The following PHYHIPL variants were observed in gnomAD, a reference collection of about 807,000 sequenced individuals.
PHYHIPL encodes phytanoyl-CoA 2-hydroxylase interacting protein like, also known as phytanoyl-CoA hydroxylase-interacting protein-like.
In PHYHIPL, 9 loss-of-function variants were observed where a neutral mutation model predicts 33.4. The ratio of observed to expected loss-of-function variants is 0.27; its 90% CI spans 0.16 to 0.47. The LOEUF is 0.47. Ranked by LOEUF, PHYHIPL falls within the 20% of genes least tolerant of loss-of-function variation. The pLI is 0.99. For synonymous variants in PHYHIPL, 153 were observed against 154.1 expected (o/e 0.99, Z 0.05); for missense variants, 365 against 460.7 (o/e 0.79, Z 1.90).
intron 1 of PHYHIPL, among the ~76,000 whole-genome samples, chr10:59,212,006 C>T (rs1020492266): frequency 2.1e-4 from 32 of 152,160 alleles, no homozygotes; most frequent in African/African-American, 6.7e-4. Flanking sequence ...GCGGGCTTTG[C>T]GCTCATGAAT....
intron 1 of PHYHIPL, among the ~76,000 whole-genome samples, chr10:59,211,309 T>C (rs1839431608): frequency 6.6e-6 from 1 of 152,142 alleles, no homozygotes; most frequent in African/African-American, 2.4e-5. Flanking sequence ...CCCAGGACTT[T>C]GAGGCAATAG....
chr10:59,229,118 T>TG (rs963058484), intron 1 of PHYHIPL, among the ~76,000 whole-genome samples: 2 of 152,174 alleles, frequency 1.3e-5, no homozygotes, highest in African/African-American at 4.8e-5. Context: ...TTAATCAAAT[T>TG]GGGGTATCCA....
At chr10:59,232,775 GT>G (rs1840116671) in intron 1 of PHYHIPL, among the ~76,000 whole-genome samples, 1 of 151,814 alleles carries the variant, frequency 6.6e-6, no homozygotes, top group African/African-American at 2.4e-5. Flanking sequence ...AGTTCAGAAA[GT>G]TTTTCGTTAC....
At chr10:59,222,432 A>AT (rs1839804212) in intron 1 of PHYHIPL, among the ~76,000 whole-genome samples, 15 of 151,896 alleles carry the variant, frequency 9.9e-5, no homozygotes, top group Admixed American at 9.8e-4. Context: ...AAAATGAGAG[A>AT]CCTGTGGAAA....
intron 1 of PHYHIPL, among the ~76,000 whole-genome samples, chr10:59,228,117 T>TA (rs1237878679): frequency 1.3e-5 from 2 of 151,872 alleles, no homozygotes; most frequent in Non-Finnish European, 1.5e-5. Context: ...TCTTCAAAGA[T>TA]AAAAAAATAG....
At chr10:59,203,989 C>G (rs2133224355) in intron 1 of PHYHIPL, among the ~76,000 whole-genome samples, 1 of 152,050 alleles carries the variant, frequency 6.6e-6, no homozygotes, top group East Asian at 1.9e-4. Context: ...TTTCCGTTTA[C>G]TAGAAAGGGA....
intron 1 of PHYHIPL, among the ~76,000 whole-genome samples, chr10:59,183,284 AT>A (rs1372755841): frequency 6.6e-6 from 1 of 152,192 alleles, no homozygotes; most frequent in Admixed American, 6.5e-5. Context: ...CCGTAAAGAG[AT>A]TGTTGAATCT....
At chr10:59,209,952 G>A (rs1839398118) in intron 1 of PHYHIPL, among the ~76,000 whole-genome samples, 1 of 152,148 alleles carries the variant, frequency 6.6e-6, no homozygotes, top group Admixed American at 6.5e-5. Flanking sequence ...AGACTTAAAT[G>A]TAAGACCTAA....
At chr10:59,227,432 G>A (rs1458811894) in intron 1 of PHYHIPL, among the ~76,000 whole-genome samples, 2 of 152,184 alleles carry the variant, frequency 1.3e-5, no homozygotes, top group Non-Finnish European at 1.5e-5. Context: ...CTATTGATGA[G>A]AGCAGAGTCC....
In PHYHIPL at chr10:59,212,517, C is replaced by T. The variant is rs1839486021; in HGVS notation, c.107-21787C>T. On this transcript the variant is annotated intron_variant, in intron 1 of 4. Coordinates refer to ENST00000373880, the MANE Select transcript of PHYHIPL (RefSeq NM_032439.4). Reference sequence around the variant, plus strand: ...CTTCAACCACTCCTAGGTGGACAGCCATTCAAACTGTGTTCAAATAAGGCA... The same window carrying T: ...CTTCAACCACTCCTAGGTGGACAGCTATTCAAACTGTGTTCAAATAAGGCA... Among the ~76,000 whole-genome samples, 3 of 152,134 alleles carry T rather than the reference C, an allele frequency of 2.0e-5. No homozygotes were observed. The South Asian group carries it at 6.2e-4, about 31-fold the overall frequency.
chr10:59,225,044 T>C (rs999315714), intron 1 of PHYHIPL, among the ~76,000 whole-genome samples: 4 of 150,860 alleles, frequency 2.7e-5, no homozygotes, highest in Admixed American at 2.0e-4. Context: ...GATAAAAAAC[T>C]TACTGTTCTT....
chr10:59,175,140 C>A (rs879776206), upstream of PHYHIPL, among the ~76,000 whole-genome samples: 14 of 152,204 alleles, frequency 9.2e-5, no homozygotes, highest in African/African-American at 3.4e-4. Context: ...TAAGTACTTT[C>A]TTGTCATATC....
At chr10:59,195,663 C>G (rs1348587244) in intron 1 of PHYHIPL, among the ~76,000 whole-genome samples, 2 of 152,170 alleles carry the variant, frequency 1.3e-5, no homozygotes, top group African/African-American at 2.4e-5. Flanking sequence ...CTGTTGTTTT[C>G]TCAAATTCTT....
intron 1 of PHYHIPL, chr10:59,177,396 T>C: frequency 7.4e-7 from 1 of 1,350,336 alleles, no homozygotes. Context: ...TCCAGAAACT[T>C]ATCATTTTCT....
At chr10:59,228,984 A>G (rs1184325942) in intron 1 of PHYHIPL, among the ~76,000 whole-genome samples, 25 of 152,170 alleles carry the variant, frequency 1.6e-4, no homozygotes. Context: ...GGTGCCCAGA[A>G]TATGATCAAA....
intron 1 of PHYHIPL, among the ~76,000 whole-genome samples, chr10:59,189,410 TG>T (rs1349648923): frequency 6.6e-6 from 1 of 152,094 alleles, no homozygotes; most frequent in Non-Finnish European, 1.5e-5. Flanking sequence ...CTATTGCTTG[TG>T]GGTAGACCAC....
At chr10:59,224,580 A>G (rs1839875798) in intron 1 of PHYHIPL, among the ~76,000 whole-genome samples, 5 of 152,346 alleles carry the variant, frequency 3.3e-5, no homozygotes, top group African/African-American at 1.2e-4. Context: ...TCTTGGAACT[A>G]GTGCCAAGTC....
rs1324375785 is a variant in PHYHIPL at position 59,236,518 on chromosome 10, C to T, written c.339C>T (p.Pro113=). ...VPTKLVAKAV[P]LPMTVRGHWF... ...CAAAATTGGTGGCAAAAGCTGTTCC[C>T]TTGCCTATGACTGTCCGTGGACACT... Residue 113 remains proline, a synonymous_variant, in exon 3 of 5, where the codon CCC becomes CCT. Transcript: ENST00000373880. The T allele has an allele frequency of 3.7e-6, 6 of 1,603,844 alleles. No individual in the cohort carries two copies. Among genetic ancestry groups the T allele is most frequent in the South Asian group, 2.2e-5 (2 of 89,288 alleles).
chr10:59,222,139 G>T (rs904103281), intron 1 of PHYHIPL, among the ~76,000 whole-genome samples: 10 of 151,940 alleles, frequency 6.6e-5, no homozygotes, highest in Admixed American at 4.6e-4. Context: ...CCTTAATAAA[G>T]AAGTACTGTA....
Sources: gnomAD v4.1 joint callset for allele counts (sites outside exome capture counted in the v4.1 genomes callset) on GRCh38, gnomAD v4.1.1 for gene constraint, MANE v1.5 for transcripts, NCBI Gene and HGNC (gene_info 2026-07-23, HGNC 2026-07-21) for gene names.